SGCZ: variants seen among roughly 807,000 people sequenced by gnomAD.
SGCZ encodes the protein sarcoglycan zeta.
SGCZ carries 40 observed loss-of-function variants against 41.3 expected under a neutral mutation model. The observed-to-expected ratio is 0.97, with a 90% CI of 0.75 to 1.26. The LOEUF is 1.26. Among genes scored for constraint, SGCZ ranks in the 50% most tolerant of loss-of-function variants. SGCZ has a pLI of 0.00. For synonymous variants in SGCZ, 206 were observed against 137.5 expected, an observed-to-expected ratio of 1.50 and a Z score of -3.49; for missense variants, 552 against 369.8, an observed-to-expected ratio of 1.49 and a Z score of -4.04.
intron 2 of SGCZ, among the ~76,000 whole-genome samples, chr8:14,326,504 T>C (rs896451085): frequency 1.3e-5 from 2 of 152,128 alleles, no homozygotes; most frequent in Non-Finnish European, 2.9e-5. Context: ...GAGGGACATT[T>C]GGAGGTGACG....
intron 2 of SGCZ, among the ~76,000 whole-genome samples, chr8:14,364,253 C>G (rs1003597324): frequency 6.6e-6 from 1 of 152,092 alleles, no homozygotes; most frequent in Non-Finnish European, 1.5e-5. Context: ...AAATCTCTAC[C>G]TTATTTTATT....
intron 1 of SGCZ, among the ~76,000 whole-genome samples, chr8:15,123,792 C>T (rs1284205334): frequency 1.3e-5 from 2 of 152,120 alleles, no homozygotes; most frequent in African/African-American, 2.4e-5. Flanking sequence ...ATAACATTAC[C>T]GTAAGTACAC....
At chr8:14,632,057 G>GC (rs11375014) in intron 1 of SGCZ, among the ~76,000 whole-genome samples, 103,406 of 151,846 alleles carry the variant, frequency 0.68, 35,430 homozygotes, top group East Asian at 0.79. Context: ...TTGTTCTGTT[G>GC]CAGGTTGAAA....
At chr8:14,169,281 TC>T (rs1334531853) in intron 4 of SGCZ, among the ~76,000 whole-genome samples, 1 of 152,122 alleles carries the variant, frequency 6.6e-6, no homozygotes, top group African/African-American at 2.4e-5. Flanking sequence ...AGCTACTGTC[TC>T]CCCCTGCTCC....
chr8:14,990,884 C>A (rs137968870), intron 1 of SGCZ, among the ~76,000 whole-genome samples: 2,341 of 152,118 alleles, frequency 0.015, 31 homozygotes, highest in Middle Eastern at 0.027. Flanking sequence ...TTATTTAAAT[C>A]TCAGAGGATC....
chr8:14,978,192 G>T (rs897218810), intron 1 of SGCZ, among the ~76,000 whole-genome samples: 7 of 151,842 alleles, frequency 4.6e-5, no homozygotes, highest in Non-Finnish European at 1.0e-4. Flanking sequence ...TGCTGGCCGG[G>T]TGTGGTGGCT....
At chr8:14,431,627 G>A (rs767746686) in intron 2 of SGCZ, among the ~76,000 whole-genome samples, 1 of 152,158 alleles carries the variant, frequency 6.6e-6, no homozygotes, top group African/African-American at 2.4e-5. Flanking sequence ...ATTGGCTTAG[G>A]CAGGAATTTC....
chr8:14,342,955 G>C (rs1451633332), intron 2 of SGCZ, among the ~76,000 whole-genome samples: 1 of 152,106 alleles, frequency 6.6e-6, no homozygotes, highest in Non-Finnish European at 1.5e-5. Flanking sequence ...GGCTGTGTGT[G>C]CAGCCTAGGG....
Position 14,102,309 on chromosome 8 carries a change from G to C in SGCZ, c.744+67C>G, listed in dbSNP as rs1802055260. The C allele has an allele frequency of 3.0e-6, 4 of 1,312,916 alleles. No homozygotes were observed. The African/African-American group carries it at 6.1e-5, about 20-fold the overall frequency. The allele number at this position is 1,312,916 out of a possible 1,614,324, so 81.3% of individuals were successfully genotyped here. A position where few individuals can be genotyped will look rare whatever the true frequency, so the allele number is the denominator to read the frequency against. Reference sequence around the variant, plus strand: ...TCCTTCACAAGTCAATTATAAATAGGACATCTAAATACTTGTGTTTTCAAA... The same window carrying C: ...TCCTTCACAAGTCAATTATAAATAGCACATCTAAATACTTGTGTTTTCAAA... On this transcript the variant is annotated intron_variant, in intron 7 of 7. Coordinates refer to ENST00000382080, the MANE Select transcript of SGCZ (RefSeq NM_139167.4).
rs114927057 is a variant in SGCZ, at chr8:14,848,392, G to A, written c.40-293466C>T. Reference sequence around the variant, plus strand: ...ATTTAAATGCAGAGGGCCTAAAATAGCCAAACAACGTTTAAAAAGAGGAAC... The same window carrying A: ...ATTTAAATGCAGAGGGCCTAAAATAACCAAACAACGTTTAAAAAGAGGAAC... On this transcript the variant is annotated intron_variant, in intron 1 of 7. Transcript: ENST00000382080. Among the ~76,000 whole-genome samples the A allele has an allele frequency of 8.6e-3, 1,311 of 152,162 alleles. 11 individuals carry two copies. The highest frequency in any genetic ancestry group is 0.03 in the African/African-American group (1,234 of 41,534).
At chr8:14,250,808 T>G (rs1457404765) in intron 3 of SGCZ, among the ~76,000 whole-genome samples, 2 of 152,194 alleles carry the variant, frequency 1.3e-5, no homozygotes, top group Non-Finnish European at 2.9e-5. Flanking sequence ...TTCCCTGTAG[T>G]GCCCTGACAA....
At position 14,898,405 on chromosome 8, in the gene SGCZ, T is replaced by C. The variant is rs563142490; in HGVS notation, c.39+339180A>G. Among the ~76,000 whole-genome samples the C allele has an allele frequency of 2.0e-5, 3 of 152,290 alleles. No homozygotes were observed. The South Asian group carries it at 6.2e-4, about 32-fold the overall frequency. On this transcript the variant is annotated intron_variant, in intron 1 of 7. Transcript: ENST00000382080. ...CTGAACCTCTGGGTGTGATGGGAAA[T>C]GCGTTGTAAGGCGGCCTGCTGCAGA...
intron 1 of SGCZ, among the ~76,000 whole-genome samples, chr8:15,036,390 G>C (rs1803877602): frequency 1.3e-5 from 2 of 152,116 alleles, no homozygotes; most frequent in South Asian, 2.1e-4. Context: ...GTAACACACA[G>C]TGGGGCCTAT....
chr8:14,446,674 T>C (rs1389190214), intron 2 of SGCZ, among the ~76,000 whole-genome samples: 1 of 152,222 alleles, frequency 6.6e-6, no homozygotes, highest in African/African-American at 2.4e-5. Flanking sequence ...TGTATAAGGT[T>C]TATATTAGAT....
intron 1 of SGCZ, among the ~76,000 whole-genome samples, chr8:14,694,953 T>C (rs538945628): frequency 1.6e-4 from 24 of 152,080 alleles, no homozygotes; most frequent in Non-Finnish European, 2.9e-4. Flanking sequence ...AAAAAAATGA[T>C]CTCAAAAATT....
At chr8:14,975,277 G>A (rs1377594560) in intron 1 of SGCZ, among the ~76,000 whole-genome samples, 1 of 152,150 alleles carries the variant, frequency 6.6e-6, no homozygotes, top group Non-Finnish European at 1.5e-5. Context: ...CTGCACTCCA[G>A]CCTGGGCGAC....
At chr8:14,350,035 A>C (rs1012322) in intron 2 of SGCZ, among the ~76,000 whole-genome samples, 8,662 of 152,186 alleles carry the variant, frequency 0.057, 720 homozygotes, top group African/African-American at 0.18. Flanking sequence ...AAATGCTATT[A>C]ATCAGAAAAC....
At chr8:15,103,753 G>T (rs185520020) in intron 1 of SGCZ, among the ~76,000 whole-genome samples, 1 of 152,204 alleles carries the variant, frequency 6.6e-6, no homozygotes, top group Admixed American at 6.5e-5. Context: ...ACTAAAGAAA[G>T]CTTGGTACCA....
chr8:14,537,073 T>C (rs984932072), intron 2 of SGCZ, among the ~76,000 whole-genome samples: 3 of 151,942 alleles, frequency 2.0e-5, no homozygotes, highest in African/African-American at 7.2e-5. Context: ...CACAGCCCCA[T>C]CATGACTCTA....
Sources: allele counts gnomAD v4.1 joint callset (sites outside exome capture counted in the v4.1 genomes callset), GRCh38; gene constraint gnomAD v4.1.1; transcripts MANE v1.5; gene names NCBI Gene and HGNC (gene_info 2026-07-23, HGNC 2026-07-21).